CDH20: variants seen among roughly 807,000 people sequenced by gnomAD.
CDH20 encodes the protein cadherin-20.
Under a neutral mutation model 74.2 loss-of-function variants are expected in CDH20, and 29 were observed. That is an observed-to-expected ratio of 0.39 (90% CI 0.29 to 0.53). CDH20 has a LOEUF of 0.53. Among genes scored for constraint, CDH20 ranks in the 20% least tolerant of loss-of-function variants. The pLI, the probability that CDH20 is intolerant of heterozygous loss-of-function variation, is 0.69. For synonymous variants in CDH20, 469 were observed against 405.4 expected, an observed-to-expected ratio of 1.16 and a Z score of -1.88; for missense variants, 988 against 1,048.3, an observed-to-expected ratio of 0.94 and a Z score of 0.79.
chr18:61,554,795 A>G lies in CDH20; in HGVS notation c.*100A>G. The G allele has an allele frequency of 6.9e-7, 1 of 1,442,500 alleles. No individual in the cohort carries two copies. Among genetic ancestry groups the G allele is most frequent in the Non-Finnish European group, 9.1e-7 (1 of 1,098,868 alleles). 89.4% of individuals were successfully genotyped at this position (1,442,500 alleles called of 1,614,324 possible). A position where few individuals can be genotyped will look rare whatever the true frequency, so the allele number is the denominator to read the frequency against. Reference sequence around the variant, plus strand: ...CCACACGAGCAATACTGTGCTGGAGAGTGAGAATGGGGGTGAGCAGGCGAA... The same window carrying G: ...CCACACGAGCAATACTGTGCTGGAGGGTGAGAATGGGGGTGAGCAGGCGAA... On this transcript the variant is annotated 3_prime_UTR_variant, in exon 12 of 12. Coordinates refer to ENST00000262717, the MANE Select transcript of CDH20 (RefSeq NM_031891.4).
At chr18:61,409,336 G>T (rs1912423792) in intron 1 of CDH20, among the ~76,000 whole-genome samples, 1 of 152,126 alleles carries the variant, frequency 6.6e-6, no homozygotes, top group South Asian at 2.1e-4. Context: ...CTTTTAAGGG[G>T]ACAGGCACCT....
chr18:61,459,998 G>A (rs1057471289), intron 1 of CDH20, among the ~76,000 whole-genome samples: 9 of 152,134 alleles, frequency 5.9e-5, no homozygotes, highest in Admixed American at 5.9e-4. Context: ...GAAAAGAAAA[G>A]CTCTTGTTGG....
At chr18:61,385,929 CAAAA>C (rs201684632) in intron 1 of CDH20, among the ~76,000 whole-genome samples, 3 of 66,160 alleles carry the variant, frequency 4.5e-5, no homozygotes, top group Admixed American at 3.4e-4. Flanking sequence ...GACTTTGTCT[CAAAA>C]AAAAAAAAAA....
At chr18:61,415,371 T>C (rs998943249) in intron 1 of CDH20, among the ~76,000 whole-genome samples, 1 of 152,140 alleles carries the variant, frequency 6.6e-6, no homozygotes, top group Non-Finnish European at 1.5e-5. Flanking sequence ...CCTCACTGGG[T>C]CAAGTAAATG....
At position 61,344,905 on chromosome 18, in the gene CDH20, A is replaced by G. The variant is rs561481106; in HGVS notation, c.-153+11078A>G. On this transcript the variant is annotated intron_variant, in intron 1 of 11. Transcript: ENST00000262717. ...ATCATGCTCTCTTCTGATTATGATT[A>G]TCTCCTTTGGTTATCTTCTGTCTTA... is the stretch of plus-strand genomic sequence containing the variant. Among the ~76,000 whole-genome samples the G allele has an allele frequency of 4.6e-5, 7 of 152,260 alleles. No homozygotes were observed. In the South Asian group the frequency reaches 1.2e-3, roughly 27 times the overall value.
At chr18:61,489,566 G>C (rs1164980591) in intron 1 of CDH20, among the ~76,000 whole-genome samples, 1 of 151,458 alleles carries the variant, frequency 6.6e-6, no homozygotes, top group Non-Finnish European at 1.5e-5. Context: ...AGCAACAAAA[G>C]AAGTTTGACT....
At chr18:61,338,587 C>T (rs934468426) in intron 1 of CDH20, among the ~76,000 whole-genome samples, 1 of 152,074 alleles carries the variant, frequency 6.6e-6, no homozygotes, top group Non-Finnish European at 1.5e-5. Flanking sequence ...CATTGAATAA[C>T]CACTATAAAA....
intron 1 of CDH20, among the ~76,000 whole-genome samples, chr18:61,374,028 C>T (rs1008085987): frequency 6.6e-6 from 1 of 152,094 alleles, no homozygotes; most frequent in African/African-American, 2.4e-5. Flanking sequence ...ATCAGGTATG[C>T]TCTTCTCTCT....
intron 6 of CDH20, among the ~76,000 whole-genome samples, chr18:61,513,084 T>A (rs1425676567): frequency 6.6e-6 from 1 of 151,330 alleles, no homozygotes; most frequent in Non-Finnish European, 1.5e-5. Flanking sequence ...CGTTGATCTG[T>A]CTAATGTTGA....
At chr18:61,351,926 G>A (rs1910319344) in intron 1 of CDH20, among the ~76,000 whole-genome samples, 1 of 152,102 alleles carries the variant, frequency 6.6e-6, no homozygotes, top group African/African-American at 2.4e-5. Context: ...AATGAAAAAT[G>A]ATTTTCAAAC....
chr18:61,392,786 G>GT (rs1291780637), intron 1 of CDH20, among the ~76,000 whole-genome samples: 1 of 121,396 alleles, frequency 8.2e-6, no homozygotes, highest in Non-Finnish European at 1.7e-5. Context: ...AATTACTATG[G>GT]TAAAAAAAAA....
intron 1 of CDH20, among the ~76,000 whole-genome samples, chr18:61,374,429 G>A (rs553778943): frequency 6.6e-6 from 1 of 152,170 alleles, no homozygotes; most frequent in Middle Eastern, 3.4e-3. Flanking sequence ...AATGGAAACT[G>A]TAACCAAAAT....
intron 1 of CDH20, among the ~76,000 whole-genome samples, chr18:61,376,792 T>C (rs942484147): frequency 2.0e-5 from 3 of 152,110 alleles, no homozygotes; most frequent in Non-Finnish European, 4.4e-5. Flanking sequence ...TTGTGAGCTA[T>C]CTGAGGGTGT....
chr18:61,356,516 T>C (rs9953989), intron 1 of CDH20, among the ~76,000 whole-genome samples: 13,752 of 152,240 alleles, frequency 0.09, 763 homozygotes, highest in African/African-American at 0.16. Flanking sequence ...CGCCTAGATA[T>C]ACAAAGGAAA....
rs373987312 is a variant in CDH20 at position 61,554,624 on chromosome 18, G to C, written c.2335G>C (p.Asp779His). 6.2e-6 allele frequency: 10 copies of C among 1,605,520 alleles called. No individual in the cohort carries two copies. The highest frequency in any genetic ancestry group is 5.0e-5 in the Admixed American group (3 of 59,534). Residue 779 changes from aspartate to histidine, a missense_variant, in exon 12 of 12, where the codon GAC becomes CAC. Around this residue, in one of 2 missense-constraint regions of CDH20, gnomAD observed 375 missense variants for 293.1 expected, o/e 1.28. Coordinates refer to ENST00000262717, the MANE Select transcript of CDH20 (RefSeq NM_031891.4). ...DSEQSFDFLT[D>H]WGPRFRKLAE... ...GGAACAGAGCTTCGACTTCCTGACG[G>C]ACTGGGGGCCCCGCTTCCGGAAGCT...
intron 2 of CDH20, among the ~76,000 whole-genome samples, chr18:61,491,812 C>A (rs1413047677): frequency 6.6e-6 from 1 of 152,036 alleles, no homozygotes; most frequent in East Asian, 1.9e-4. Context: ...ACCTCAGACA[C>A]TGCTGACCTG....
intron 1 of CDH20, among the ~76,000 whole-genome samples, chr18:61,366,349 C>T (rs934134080): frequency 6.6e-6 from 1 of 152,162 alleles, no homozygotes; most frequent in Admixed American, 6.5e-5. Context: ...AGGGCTTTTA[C>T]TTCCCTTATG....
At chr18:61,389,405 A>AG (rs1911699481) in intron 1 of CDH20, among the ~76,000 whole-genome samples, 1 of 138,688 alleles carries the variant, frequency 7.2e-6, no homozygotes, top group Admixed American at 7.3e-5. Context: ...TGAAGTTACA[A>AG]ATATTACATA....
Position 61,536,533 on chromosome 18 carries a change from T to A in CDH20, c.1312T>A (p.Tyr438Asn), listed in dbSNP as rs1568181205. Residue 438 changes from tyrosine to asparagine, a missense_variant, in exon 8 of 12, where the codon TAT becomes AAT. By Grantham distance (143) the Tyr-to-Asn change is moderately radical (BLOSUM62 -2). Coordinates refer to ENST00000262717, the MANE Select transcript of CDH20 (RefSeq NM_031891.4). ...DRSSDPGRFF[Y>N]VDITTGALMT... ...AAGCAGTGACCCTGGAAGATTTTTC[T>A]ATGTTGACATTACAACAGGTGCCCT... is the stretch of plus-strand genomic sequence containing the variant. 3.1e-6 allele frequency: 5 copies of A among 1,613,606 alleles called. No homozygotes were observed. Among genetic ancestry groups the A allele is most frequent in the Non-Finnish European group, 4.2e-6 (5 of 1,179,510 alleles).
Sources: gnomAD v4.1 joint callset for allele counts (sites outside exome capture counted in the v4.1 genomes callset) on GRCh38, gnomAD v4.1.1 for gene constraint, gnomAD v4.1.1 regional missense constraint, MANE v1.5 for transcripts, NCBI Gene and HGNC (gene_info 2026-07-23, HGNC 2026-07-21) for gene names.